MCCC1: variants seen among roughly 807,000 people sequenced by gnomAD.
The protein encoded by MCCC1 is methylcrotonoyl-CoA carboxylase subunit alpha, mitochondrial.
Under a neutral mutation model 83.8 loss-of-function variants are expected in MCCC1, and 64 were observed. The observed-to-expected ratio is 0.76, with a 90% CI of 0.62 to 0.94. The LOEUF (loss-of-function observed/expected upper bound fraction) is 0.94. Ranked by LOEUF, MCCC1 falls within the 40% of genes least tolerant of loss-of-function variation. The pLI, the probability that MCCC1 is intolerant of heterozygous loss-of-function variation, is 0.00. For missense variants in MCCC1, 807 were observed against 904.7 expected, an observed-to-expected ratio of 0.89 and a Z score of 1.39; for synonymous variants, 322 against 315.4, an observed-to-expected ratio of 1.02 and a Z score of -0.22.
At chr3:183,100,929 C>T (rs1719215699), upstream of MCCC1, among the ~76,000 whole-genome samples, 2 of 152,348 alleles carry the variant, frequency 1.3e-5, no homozygotes, top group Non-Finnish European at 2.9e-5. Context: ...GGGCTGTGTG[C>T]GGCACTTGCG....
chr3:183,051,714 C>T (rs557342796), intron 9 of MCCC1, among the ~76,000 whole-genome samples: 6 of 149,660 alleles, frequency 4.0e-5, no homozygotes, highest in African/African-American at 9.9e-5. Context: ...CTGTAACAAA[C>T]GTACCTCTCT....
At chr3:183,038,409 G>A (rs535287369) in intron 12 of MCCC1, among the ~76,000 whole-genome samples, 2 of 152,246 alleles carry the variant, frequency 1.3e-5, no homozygotes, top group South Asian at 4.1e-4. Context: ...CAGAAGCGGT[G>A]AGGCGGCCAG....
At chr3:183,033,754 A>G (rs1404931558) in intron 14 of MCCC1, among the ~76,000 whole-genome samples, 1 of 152,204 alleles carries the variant, frequency 6.6e-6, no homozygotes, top group African/African-American at 2.4e-5. Context: ...ATTTTATGAC[A>G]TATTTTTAGA....
At chr3:183,087,809 G>C (rs1026994287) in intron 3 of MCCC1, among the ~76,000 whole-genome samples, 1 of 148,344 alleles carries the variant, frequency 6.7e-6, no homozygotes, top group Non-Finnish European at 1.5e-5. Flanking sequence ...GGCGGAGCTT[G>C]TAGTGAGCCG....
intron 11 of MCCC1, among the ~76,000 whole-genome samples, chr3:183,040,600 G>C (rs956259274): frequency 6.7e-6 from 1 of 149,168 alleles, no homozygotes; most frequent in Admixed American, 6.7e-5. Flanking sequence ...GTATACACCT[G>C]TAATCCCAGC....
chr3:183,110,408 T>C (rs1251374855), intron 1 of MCCC1, among the ~76,000 whole-genome samples: 1 of 149,814 alleles, frequency 6.7e-6, no homozygotes, highest in Non-Finnish European at 1.5e-5. Context: ...TTTTTTTTTT[T>C]TTTGAGACAG....
rs891895714 is a variant in MCCC1 at position 183,113,868 on chromosome 3, C to T, written c.-102+1606G>A. On this transcript the variant is annotated intron_variant, in intron 1 of 17. Coordinates refer to the MCCC1 transcript ENST00000492597. ...GGTCAAAAATACAGGCAAAATAACC[C>T]AGGGCTTGCAACTGGCATCAGAAGT... Among the ~76,000 whole-genome samples the T allele has an allele frequency of 1.3e-4, 20 of 151,380 alleles. 1 individual carries two copies. Among genetic ancestry groups the T allele is most frequent in the Admixed American group, 2.0e-4 (3 of 15,186 alleles).
chr3:183,031,491 CTTTTTTTTTTTTT>C (rs66507233), intron 14 of MCCC1, among the ~76,000 whole-genome samples: 3 of 72,698 alleles, frequency 4.1e-5, no homozygotes, highest in Admixed American at 4.4e-4. Context: ...CTTCTGGCAC[CTTTTTTTTTTTTT>C]TTTTTTTTTT....
intron 1 of MCCC1, chr3:183,099,085 C>G: frequency 1.7e-6 from 1 of 574,536 alleles, no homozygotes; most frequent in Non-Finnish European, 3.1e-6. Context: ...TGGAGGATGG[C>G]GGGCCCAGTC....
chr3:183,094,665 T>G, intron 1 of MCCC1, 60 bp from the exon 2 acceptor site: 1 of 1,533,026 alleles, frequency 6.5e-7, no homozygotes, highest in Non-Finnish European at 9.0e-7. Flanking sequence ...AATTGTTCTT[T>G]CAAAAGAATT....
At chr3:183,096,291 G>A (rs1241662130) in intron 1 of MCCC1, among the ~76,000 whole-genome samples, 4 of 151,832 alleles carry the variant, frequency 2.6e-5, no homozygotes, top group East Asian at 1.9e-4. Flanking sequence ...AGCCAAGATC[G>A]TGCCACTACA....
intron 4 of MCCC1, among the ~76,000 whole-genome samples, chr3:183,075,998 G>A (rs1168463011): frequency 6.6e-6 from 1 of 152,090 alleles, no homozygotes; most frequent in African/African-American, 2.4e-5. Flanking sequence ...ATCTATACTA[G>A]GCAAATGAAA....
At chr3:183,093,894 G>A (rs1256864697) in intron 2 of MCCC1, among the ~76,000 whole-genome samples, 1 of 152,008 alleles carries the variant, frequency 6.6e-6, no homozygotes. Context: ...AAAAGGTTTT[G>A]CTACTTAAAA....
At chr3:183,073,977 G>A (rs956666900) in intron 4 of MCCC1, among the ~76,000 whole-genome samples, 3 of 152,188 alleles carry the variant, frequency 2.0e-5, no homozygotes, top group South Asian at 4.1e-4. Context: ...TGGAGACAGC[G>A]TGGAGACACT....
chr3:183,069,930 G>A (rs995658982), intron 7 of MCCC1, among the ~76,000 whole-genome samples: 6 of 152,184 alleles, frequency 3.9e-5, no homozygotes, highest in Non-Finnish European at 8.8e-5. Context: ...ATGAACTCTG[G>A]AGTCAAAGTG....
At chr3:183,063,070 G>A (rs1258310859) in intron 7 of MCCC1, among the ~76,000 whole-genome samples, 3 of 151,914 alleles carry the variant, frequency 2.0e-5, no homozygotes, top group Non-Finnish European at 2.9e-5. Flanking sequence ...TACAAGCTCC[G>A]CCTCCTGGGT....
At chr3:183,029,897 C>T (rs762370569) in intron 14 of MCCC1, among the ~76,000 whole-genome samples, 2 of 152,058 alleles carry the variant, frequency 1.3e-5, no homozygotes, top group East Asian at 1.9e-4. Context: ...GCTGATGTTC[C>T]GACCCCATTC....
upstream of MCCC1, among the ~76,000 whole-genome samples, chr3:183,103,077 T>C (rs1577382770): frequency 6.6e-6 from 1 of 152,032 alleles, no homozygotes; most frequent in East Asian, 1.9e-4. Context: ...AGGTGGCGCG[T>C]CTGGAGTTTG....
At chr3:183,090,204 G>A (rs12495806) in intron 3 of MCCC1, among the ~76,000 whole-genome samples, 1 of 152,072 alleles carries the variant, frequency 6.6e-6, no homozygotes, top group Non-Finnish European at 1.5e-5. Context: ...GCCATGAGAA[G>A]AATTTATTTC....
Sources: allele counts gnomAD v4.1 joint callset (sites outside exome capture counted in the v4.1 genomes callset), GRCh38; gene constraint gnomAD v4.1.1; transcripts MANE v1.5; gene names NCBI Gene and HGNC (gene_info 2026-07-23, HGNC 2026-07-21).